The following CCDC141 variants were observed in gnomAD, a reference collection of about 807,000 sequenced individuals.
CCDC141 encodes the protein coiled-coil domain-containing protein 141.
CCDC141 carries 168 observed loss-of-function variants against 181.0 expected under a neutral mutation model. The observed-to-expected ratio is 0.93, with a 90% CI of 0.82 to 1.05. CCDC141 has a LOEUF of 1.05. Among genes scored for constraint, CCDC141 ranks in the 50% least tolerant of loss-of-function variants. CCDC141 has a pLI of 0.00. For synonymous variants in CCDC141, 666 were observed against 642.3 expected (o/e 1.04, Z -0.56); for missense variants, 1,902 against 1,788.5 (o/e 1.06, Z -1.14).
At chr2:178,983,483 G>A (rs1310614776) in intron 2 of CCDC141, among the ~76,000 whole-genome samples, 2 of 151,964 alleles carry the variant, frequency 1.3e-5, no homozygotes, top group Non-Finnish European at 2.9e-5. Flanking sequence ...TTGACGAGCT[G>A]AGAGAAGAAG....
intron 6 of CCDC141, among the ~76,000 whole-genome samples, chr2:178,940,562 G>A (rs1431592165): frequency 6.6e-6 from 1 of 152,140 alleles, no homozygotes. Context: ...CAAAAGGGAA[G>A]TGTAACTCTA....
chr2:178,905,903 CTGTAATA>C (rs1184168202), intron 7 of CCDC141, among the ~76,000 whole-genome samples: 2 of 152,168 alleles, frequency 1.3e-5, no homozygotes, highest in African/African-American at 4.8e-5. Flanking sequence ...AAGAATGTTT[CTGTAATA>C]TTCTTTAGAG....
the CCDC141 span, among the ~76,000 whole-genome samples, chr2:178,815,969 C>T: frequency 6.6e-6 from 1 of 152,080 alleles, no homozygotes; most frequent in Admixed American, 6.6e-5. Flanking sequence ...AAACAGTAAG[C>T]TTTGAAAAAG....
At chr2:178,839,092 C>T (rs1297328446) in intron 22 of CCDC141, among the ~76,000 whole-genome samples, 1 of 152,118 alleles carries the variant, frequency 6.6e-6, no homozygotes, top group Admixed American at 6.5e-5. Context: ...CGTAGTCCTG[C>T]TGTTGATATA....
intron 6 of CCDC141, among the ~76,000 whole-genome samples, chr2:178,939,202 G>A (rs960906770): frequency 6.6e-6 from 1 of 152,108 alleles, no homozygotes; most frequent in Admixed American, 6.6e-5. Flanking sequence ...ACGTTTAAAA[G>A]GGGCCCATGC....
intron 6 of CCDC141, among the ~76,000 whole-genome samples, chr2:178,937,260 G>A (rs1183976731): frequency 6.6e-6 from 1 of 152,126 alleles, no homozygotes; most frequent in African/African-American, 2.4e-5. Flanking sequence ...TTGGAGGTAT[G>A]TTCCTTCAGT....
chr2:178,961,664 T>C (rs1690407887), intron 4 of CCDC141, among the ~76,000 whole-genome samples, 181 bp from the exon 5 acceptor site: 3 of 152,218 alleles, frequency 2.0e-5, no homozygotes, highest in Non-Finnish European at 4.4e-5. Flanking sequence ...AAAAAACTGG[T>C]CAAACACCTT....
chr2:178,901,784 G>A (rs1383855969), intron 8 of CCDC141, among the ~76,000 whole-genome samples: 1 of 151,894 alleles, frequency 6.6e-6, no homozygotes, highest in Non-Finnish European at 1.5e-5. Flanking sequence ...AGGAAATAAA[G>A]GGTATTCAAT....
intron 9 of CCDC141, 104 bp from the exon 10 acceptor site, chr2:178,886,975 C>T: frequency 1.5e-6 from 1 of 659,590 alleles, no homozygotes; most frequent in Non-Finnish European, 2.2e-6. Flanking sequence ...TCTCATTATA[C>T]TTGAAATGTA....
At chr2:178,937,572 C>T (rs547359164) in intron 6 of CCDC141, among the ~76,000 whole-genome samples, 8 of 151,546 alleles carry the variant, frequency 5.3e-5, no homozygotes, top group Admixed American at 6.6e-5. Context: ...GTGTCTCTGC[C>T]GGGTTTGGGC....
intron 8 of CCDC141, among the ~76,000 whole-genome samples, chr2:178,894,784 C>G (rs1280557889): frequency 6.6e-6 from 1 of 151,804 alleles, no homozygotes; most frequent in Non-Finnish European, 1.5e-5. Flanking sequence ...GAGGCTCCAA[C>G]ATTCTTCTAA....
intron 19 of CCDC141, 102 bp from the exon 20 acceptor site, chr2:178,853,726 T>C (rs573445397): frequency 4.0e-5 from 37 of 929,274 alleles, no homozygotes; most frequent in South Asian, 2.7e-4. Flanking sequence ...CTCAACTTAA[T>C]GTTCACATTG....
At chr2:178,888,440 C>T in intron 9 of CCDC141, 87 bp downstream of exon 9, 1 of 1,245,870 alleles carries the variant, frequency 8.0e-7, no homozygotes, top group Non-Finnish European at 1.1e-6. Context: ...AGACATGCCC[C>T]TGTCCTCCCG....
chr2:178,821,639 G>C, the CCDC141 span, among the ~76,000 whole-genome samples: 1 of 152,158 alleles, frequency 6.6e-6, no homozygotes, highest in South Asian at 2.1e-4. Context: ...TTAGAATTTA[G>C]GTTTTTACAC....
At chr2:178,926,457 A>G (rs1022828547) in intron 6 of CCDC141, 3 of 152,188 alleles carry the variant, frequency 2.0e-5, no homozygotes, top group East Asian at 1.9e-4. Flanking sequence ...CATTCACTCA[A>G]TAAGTATTGA....
rs1684525944 is a variant in CCDC141 at position 178,837,367 on chromosome 2, T to C, written c.3852A>G (p.Ser1284=). 6.2e-6 allele frequency: 10 copies of C among 1,614,062 alleles called. No individual in the cohort carries two copies. Among genetic ancestry groups the C allele is most frequent in the Non-Finnish European group, 8.5e-6 (10 of 1,179,950 alleles). Residue 1284 remains serine, a synonymous_variant, in exon 23 of 24, where the codon TCA becomes TCG. Transcript: ENST00000443758. ...DACNDKRETF[S]SHFERPYLQF... ...GGAGGTAAGGCCTCTCAAAATGACT[T>C]GAAAATGTTTCTCTCTTATCATTGC... is the stretch of plus-strand genomic sequence containing the variant.
the CCDC141 span, among the ~76,000 whole-genome samples, chr2:178,823,114 C>T: frequency 6.6e-6 from 1 of 152,134 alleles, no homozygotes; most frequent in Non-Finnish European, 1.5e-5. Context: ...AAACAAACCA[C>T]TACTCTGCAA....
chr2:179,009,685 G>T, intron 2 of CCDC141, among the ~76,000 whole-genome samples: 1 of 139,006 alleles, frequency 7.2e-6, no homozygotes, highest in South Asian at 2.6e-4. Flanking sequence ...GGGGGTGGGG[G>T]TGCAGTGGAT....
chr2:178,900,855 T>C (rs988130783), intron 8 of CCDC141, among the ~76,000 whole-genome samples: 4 of 152,088 alleles, frequency 2.6e-5, no homozygotes, highest in Admixed American at 1.3e-4. Context: ...AACAAGTACA[T>C]GAGCAAGGGT....
Sources: gnomAD v4.1 joint callset for allele counts (sites outside exome capture counted in the v4.1 genomes callset) on GRCh38, gnomAD v4.1.1 for gene constraint, MANE v1.5 for transcripts, NCBI Gene and HGNC (gene_info 2026-07-23, HGNC 2026-07-21) for gene names.